LARP4B: variants seen among roughly 807,000 people sequenced by gnomAD.
The protein encoded by LARP4B is la-related protein 4B.
LARP4B carries 12 observed loss-of-function variants against 89.8 expected under a neutral mutation model. The ratio of observed to expected loss-of-function variants is 0.13; its 90% CI spans 0.09 to 0.22. The LOEUF (loss-of-function observed/expected upper bound fraction) is 0.22. Among genes scored for constraint, LARP4B ranks in the 10% least tolerant of loss-of-function variants. The pLI is 1.00. For synonymous variants in LARP4B, 367 were observed against 363.3 expected (o/e 1.01, Z -0.12); for missense variants, 757 against 947.7 (o/e 0.80, Z 2.64).
At chr10:848,752 G>A (rs1162148539) in intron 5 of LARP4B, among the ~76,000 whole-genome samples, 2 of 152,180 alleles carry the variant, frequency 1.3e-5, no homozygotes, top group Non-Finnish European at 2.9e-5. Context: ...TCAGCAAGCT[G>A]CGGACAACAT....
the LARP4B span, among the ~76,000 whole-genome samples, chr10:956,157 C>T: frequency 6.6e-6 from 1 of 152,130 alleles, no homozygotes; most frequent in Non-Finnish European, 1.5e-5. The surrounding 1 kb of genome is among the most constrained non-coding windows in gnomAD (Gnocchi z 4.3). Context: ...CTCCACGAAC[C>T]CTGACAGATT....
intron 11 of LARP4B, among the ~76,000 whole-genome samples, chr10:827,055 C>T (rs1378914882): frequency 6.6e-6 from 1 of 152,098 alleles, no homozygotes; most frequent in East Asian, 1.9e-4. Flanking sequence ...GGGGGCGGAT[C>T]AAAAGGTCAG....
At chr10:967,981 C>A in the LARP4B span, among the ~76,000 whole-genome samples, 1 of 152,188 alleles carries the variant, frequency 6.6e-6, no homozygotes. Flanking sequence ...GGATTACAGG[C>A]AGGAGCCACC....
intron 1 of LARP4B, among the ~76,000 whole-genome samples, chr10:902,099 T>C (rs1836360685): frequency 6.6e-6 from 1 of 152,158 alleles, no homozygotes; most frequent in Non-Finnish European, 1.5e-5. Context: ...GTACAATCTT[T>C]TGAAAAGACC....
At chr10:896,502 T>C (rs1282066526) in intron 1 of LARP4B, among the ~76,000 whole-genome samples, 2 of 152,122 alleles carry the variant, frequency 1.3e-5, no homozygotes, top group Non-Finnish European at 2.9e-5. Flanking sequence ...ATTAAAGAGA[T>C]TTACAAAACA....
At chr10:977,440 G>A in the LARP4B span, among the ~76,000 whole-genome samples, 6 of 152,158 alleles carry the variant, frequency 3.9e-5, no homozygotes, top group East Asian at 1.2e-3. Flanking sequence ...TCGGGAGGCT[G>A]AGGCAGGAGA....
rs1335777457 is a variant in LARP4B at position 811,826 on chromosome 10, T to C, written c.*1100A>G. 1 of 152,608 alleles carries C rather than the reference T, an allele frequency of 6.6e-6. No homozygotes were observed. The highest frequency in any genetic ancestry group is 2.4e-5 in the African/African-American group (1 of 41,450). 9.5% of individuals were successfully genotyped at this position (152,608 alleles called of 1,614,324 possible). A position where few individuals can be genotyped will look rare whatever the true frequency, so the allele number is the denominator to read the frequency against. The stretch of plus-strand genomic sequence containing the variant: ...CAAAATAATTTATATTTAACTTTAT[T>C]ATAAACTTGCTAACTTTAGTGCATC... On this transcript the variant is annotated 3_prime_UTR_variant, in exon 18 of 18. Transcript: ENST00000316157.
chr10:958,675 C>T, the LARP4B span, among the ~76,000 whole-genome samples: 1 of 152,202 alleles, frequency 6.6e-6, no homozygotes, highest in African/African-American at 2.4e-5. Flanking sequence ...TCCACAGTCA[C>T]CTGAAGGGAC....
At chr10:835,187 A>G (rs1032232518) in intron 8 of LARP4B, among the ~76,000 whole-genome samples, 1 of 152,240 alleles carries the variant, frequency 6.6e-6, no homozygotes, top group Non-Finnish European at 1.5e-5. Context: ...GTGGAACAGA[A>G]GGTAAAACTT....
intron 2 of LARP4B, 104 bp from the exon 3 acceptor site, chr10:884,610 A>G: frequency 1.5e-6 from 1 of 685,662 alleles, no homozygotes; most frequent in East Asian, 2.7e-5. Flanking sequence ...CAAGAAATGC[A>G]CATTTCACAT....
At chr10:941,907 C>G in the LARP4B span, among the ~76,000 whole-genome samples, 1 of 152,070 alleles carries the variant, frequency 6.6e-6, no homozygotes, top group South Asian at 2.1e-4. Context: ...TCCTAAGTAC[C>G]TGGGATTATA....
chr10:922,811 G>A lies in LARP4B; in HGVS notation c.-40+8617C>T, dbSNP rs1409386184. Among the ~76,000 whole-genome samples the A allele has an allele frequency of 3.3e-5, 5 of 152,270 alleles. No homozygotes were observed. In the South Asian group the frequency reaches 6.2e-4, roughly 19 times the overall value. ...ACGCAGGCCGGGCACAGTGGCTCAC[G>A]CCTGTAATCCCAACACTTTGGGAGG... On this transcript the variant is annotated intron_variant, in intron 1 of 17. Transcript: ENST00000316157.
At chr10:943,825 C>G in the LARP4B span, among the ~76,000 whole-genome samples, 4 of 151,922 alleles carry the variant, frequency 2.6e-5, no homozygotes, top group Admixed American at 2.6e-4. Flanking sequence ...GTAATTGTGT[C>G]TACTTCGCAG....
chr10:859,439 A>C (rs1369610964), intron 5 of LARP4B, among the ~76,000 whole-genome samples: 1 of 152,242 alleles, frequency 6.6e-6, no homozygotes, highest in Non-Finnish European at 1.5e-5. Flanking sequence ...CATATGATCC[A>C]GAAATTCTAC....
intron 11 of LARP4B, 99 bp downstream of exon 11, chr10:829,286 T>C: frequency 1.0e-6 from 1 of 992,212 alleles, no homozygotes; most frequent in Non-Finnish European, 1.5e-6. Context: ...TATGTCAGAC[T>C]GCACACATAT....
In LARP4B at chr10:812,892, C is replaced by G. The variant is rs1419645675; in HGVS notation, c.*34G>C. ...GAGAGTGTCTCGTTTGTGGTTAACACAGCGCTCTGCGACCCCTCCCAGACG... is the reference window on the plus strand; with the variant it reads ...GAGAGTGTCTCGTTTGTGGTTAACAGAGCGCTCTGCGACCCCTCCCAGACG... On this transcript the variant is annotated 3_prime_UTR_variant, in exon 18 of 18. Transcript: ENST00000316157. 2 of 1,510,810 alleles carry G rather than the reference C, an allele frequency of 1.3e-6. No individual in the cohort carries two copies. The highest frequency in any genetic ancestry group is 1.8e-6 in the Non-Finnish European group (2 of 1,135,372). 93.6% of individuals were successfully genotyped at this position (1,510,810 alleles called of 1,614,324 possible). A position where few individuals can be genotyped will look rare whatever the true frequency, so the allele number is the denominator to read the frequency against.
At chr10:986,872 G>T in the LARP4B span, 39,719 of 151,880 alleles carry the variant, frequency 0.26, 5,677 homozygotes, top group African/African-American at 0.38. Flanking sequence ...CCCTGGAGGC[G>T]GAGGTTGCAG....
Position 885,648 on chromosome 10 carries a change from G to C in LARP4B, c.74C>G (p.Ala25Gly). 6.2e-7 allele frequency: 1 copy of C among 1,613,844 alleles called. No individual in the cohort carries two copies. Among genetic ancestry groups the C allele is most frequent in the Non-Finnish European group, 8.5e-7 (1 of 1,179,798 alleles). ...TQRVQEGKDS[A>G]HLMNGPISQT... Reference sequence around the variant, plus strand: ...CCATTCGACAGCACCCACCAGATGAGCGCTGTCCTTGCCCTCCTGGACTCT... The same window carrying C: ...CCATTCGACAGCACCCACCAGATGACCGCTGTCCTTGCCCTCCTGGACTCT... Residue 25 changes from alanine to glycine, a missense_variant, in exon 2 of 18, where the codon GCT (alanine) becomes GGT (glycine). Physicochemically the swap from Ala to Gly is moderately conservative, Grantham distance 60. Around this residue, in one of 5 missense-constraint regions of LARP4B, gnomAD observed 175 missense variants for 187.0 expected, o/e 0.94. Coordinates refer to ENST00000316157, the MANE Select transcript of LARP4B (RefSeq NM_015155.3).
At position 811,050 on chromosome 10, in the gene LARP4B, AC is replaced by A. The variant is rs1382987418; in HGVS notation, c.*1875del. ...TCTCTATATACTTTAAAACTCTTTC[AC>A]ATTAGATATGATTAGTATGCATTTA... On this transcript the variant is annotated 3_prime_UTR_variant, in exon 18 of 18. Coordinates refer to ENST00000316157, the MANE Select transcript of LARP4B (RefSeq NM_015155.3). The A allele has an allele frequency of 6.6e-6, 1 of 152,484 alleles. No individual in the cohort carries two copies. The highest frequency in any genetic ancestry group is 2.4e-5 in the African/African-American group (1 of 41,448). 9.4% of individuals were successfully genotyped at this position (152,484 alleles called of 1,614,324 possible).
Sources: allele counts gnomAD v4.1 joint callset (sites outside exome capture counted in the v4.1 genomes callset), GRCh38; gene constraint gnomAD v4.1.1; regional missense constraint gnomAD v4.1.1; non-coding constraint Gnocchi (gnomAD v3.1); transcripts MANE v1.5; gene names NCBI Gene and HGNC (gene_info 2026-07-23, HGNC 2026-07-21).